TMEM117: variants seen among roughly 807,000 people sequenced by gnomAD.
TMEM117 encodes the protein transmembrane protein 117.
TMEM117 carries 27 observed loss-of-function variants against 52.4 expected under a neutral mutation model. The observed-to-expected ratio is 0.51, with a 90% CI of 0.38 to 0.71. TMEM117 has a LOEUF of 0.71. Ranked by LOEUF, TMEM117 falls within the 30% of genes least tolerant of loss-of-function variation. The probability of loss-of-function intolerance (pLI) is 0.00; values close to 1 mark genes in which losing one functional copy is unlikely to be tolerated. For synonymous variants in TMEM117, 215 were observed against 206.3 expected (o/e 1.04, Z -0.36); for missense variants, 556 against 630.5 (o/e 0.88, Z 1.26).
At chr12:44,237,763 T>C (rs1950015933) in intron 5 of TMEM117, among the ~76,000 whole-genome samples, 1 of 152,110 alleles carries the variant, frequency 6.6e-6, no homozygotes, top group Non-Finnish European at 1.5e-5. Context: ...TTTGATTGTT[T>C]AATCATCATT....
intron 4 of TMEM117, among the ~76,000 whole-genome samples, chr12:44,192,313 G>T (rs1434836500): frequency 6.6e-6 from 1 of 152,124 alleles, no homozygotes; most frequent in Non-Finnish European, 1.5e-5. Context: ...TGCCTTTCAG[G>T]ACCTACTGGA....
intron 3 of TMEM117, among the ~76,000 whole-genome samples, chr12:43,972,165 A>G (rs774889252): frequency 6.6e-6 from 1 of 152,242 alleles, no homozygotes; most frequent in Non-Finnish European, 1.5e-5. Context: ...TAGATCCCCA[A>G]CAGGAAGGAG....
chr12:43,820,252 C>A, the TMEM117 span, among the ~76,000 whole-genome samples: 1 of 152,094 alleles, frequency 6.6e-6, no homozygotes, highest in Non-Finnish European at 1.5e-5. Context: ...CGTGCGCCAC[C>A]ACGCCCAACT....
chr12:44,153,531 A>G (rs1948785222), intron 4 of TMEM117, among the ~76,000 whole-genome samples: 1 of 152,032 alleles, frequency 6.6e-6, no homozygotes, highest in Admixed American at 6.6e-5. Flanking sequence ...TTGATTTTCA[A>G]CTTTAGAAAA....
chr12:44,211,942 T>C (rs74615997), intron 5 of TMEM117, among the ~76,000 whole-genome samples: 1,782 of 152,286 alleles, frequency 0.012, 43 homozygotes, highest in African/African-American at 0.04. Flanking sequence ...ACAGAAAAGA[T>C]AGGAATGGAG....
At chr12:43,912,507 T>TTATTTATATATATATATATATATA (rs1555183814) in intron 2 of TMEM117, among the ~76,000 whole-genome samples, 1 of 132,100 alleles carries the variant, frequency 7.6e-6, no homozygotes, top group African/African-American at 4.0e-5. Context: ...TAATAATAAT[T>TTATTTATATATATATATATATATA]TATATATATA....
rs770360853 is a variant in TMEM117, at chr12:44,299,594, C to T, written c.623C>T (p.Thr208Ile). 1 of 1,614,150 alleles carries T rather than the reference C, an allele frequency of 6.2e-7. No homozygotes were observed. The highest frequency in any genetic ancestry group is 8.5e-7 in the Non-Finnish European group (1 of 1,180,018). ...RITLFWTVLF[T>I]LTSVVVLVIT... The stretch of plus-strand genomic sequence containing the variant: ...GTTCCTTACAGGACAGTTCTTTTTA[C>T]TCTGACGTCTGTGGTTGTACTTGTG... Residue 208 changes from threonine to isoleucine, a missense_variant, in exon 6 of 8, where the codon ACT becomes ATT. Thr to Ile is a moderately conservative substitution (Grantham distance 89). Around this residue, in one of 3 missense-constraint regions of TMEM117, gnomAD observed 328 missense variants for 371.4 expected, o/e 0.88. Transcript: ENST00000266534.
intron 4 of TMEM117, among the ~76,000 whole-genome samples, chr12:44,207,692 GAAC>G (rs544277128): frequency 1.3e-5 from 2 of 151,396 alleles, no homozygotes; most frequent in South Asian, 2.1e-4. Flanking sequence ...TCTCAGATAC[GAAC>G]AACAACACAC....
rs117422153 is a variant in TMEM117 at position 43,981,874 on chromosome 12, G to C, written c.410+37532G>C. ...AGGAAGGTGAGGGGGAGGAGAGAAT[G>C]GGGAGAGGTTGGTCAAAGAGCAGAG... On this transcript the variant is annotated intron_variant, in intron 3 of 7. Transcript: ENST00000266534. Among the ~76,000 whole-genome samples, 1,199 of 152,230 alleles carry C rather than the reference G, an allele frequency of 7.9e-3. 8 individuals carry two copies. The highest frequency in any genetic ancestry group is 0.012 in the Non-Finnish European group (805 of 68,010).
At chr12:44,109,976 A>G (rs914034151) in intron 3 of TMEM117, among the ~76,000 whole-genome samples, 1 of 96,488 alleles carries the variant, frequency 1.0e-5, no homozygotes, top group Non-Finnish European at 1.9e-5. Context: ...GCAATTGTGA[A>G]TGGGAGTTCA....
At chr12:43,908,401 T>C (rs1040472654) in intron 2 of TMEM117, among the ~76,000 whole-genome samples, 1 of 115,364 alleles carries the variant, frequency 8.7e-6, no homozygotes, top group African/African-American at 2.7e-5. Flanking sequence ...CATGCCAAAA[T>C]GTAAAGACCA....
intron 5 of TMEM117, among the ~76,000 whole-genome samples, chr12:44,295,053 G>T (rs921315729): frequency 2.0e-5 from 3 of 152,154 alleles, no homozygotes; most frequent in African/African-American, 7.2e-5. Flanking sequence ...AAATCTGGAT[G>T]TCTGTATCCC....
At chr12:44,180,095 C>A (rs1214172504) in intron 4 of TMEM117, among the ~76,000 whole-genome samples, 1 of 152,108 alleles carries the variant, frequency 6.6e-6, no homozygotes, top group Non-Finnish European at 1.5e-5. Context: ...AATCACATGG[C>A]CTCACCTAGC....
intron 4 of TMEM117, among the ~76,000 whole-genome samples, chr12:44,182,691 G>T (rs1949220564): frequency 6.6e-6 from 1 of 152,086 alleles, no homozygotes; most frequent in African/African-American, 2.4e-5. Flanking sequence ...AGGAAAAAAA[G>T]CCTAGTGGAT....
At chr12:43,852,160 G>C (rs558015330) in intron 2 of TMEM117, among the ~76,000 whole-genome samples, 1 of 151,340 alleles carries the variant, frequency 6.6e-6, no homozygotes, top group Non-Finnish European at 1.5e-5. Context: ...GGCTGGGCAC[G>C]GTGGCTCATG....
At chr12:43,907,052 C>A (rs888870665) in intron 2 of TMEM117, among the ~76,000 whole-genome samples, 85 of 152,324 alleles carry the variant, frequency 5.6e-4, no homozygotes, top group African/African-American at 1.8e-3. Flanking sequence ...AGGGCACAGA[C>A]AAACAAAAAG....
At chr12:44,256,409 T>A (rs1466722104) in intron 5 of TMEM117, among the ~76,000 whole-genome samples, 2 of 152,110 alleles carry the variant, frequency 1.3e-5, no homozygotes, top group East Asian at 3.9e-4. Context: ...AAGGAAGAAA[T>A]ATGCAATCAC....
intron 3 of TMEM117, among the ~76,000 whole-genome samples, chr12:44,090,686 C>T (rs1206073102): frequency 1.3e-5 from 2 of 151,854 alleles, no homozygotes; most frequent in Non-Finnish European, 2.9e-5. Context: ...GTGATCCACT[C>T]GCCTCAGCCT....
At chr12:43,831,262 A>G (rs1486190437), upstream of TMEM117, among the ~76,000 whole-genome samples, 3 of 152,222 alleles carry the variant, frequency 2.0e-5, no homozygotes, top group Non-Finnish European at 4.4e-5. Context: ...GAAGTTAAAA[A>G]TAGTTTTGCT....
Sources: gnomAD v4.1 joint callset for allele counts (sites outside exome capture counted in the v4.1 genomes callset) on GRCh38, gnomAD v4.1.1 for gene constraint, gnomAD v4.1.1 regional missense constraint, MANE v1.5 for transcripts, NCBI Gene and HGNC (gene_info 2026-07-23, HGNC 2026-07-21) for gene names.